DMD: variants seen among roughly 807,000 people sequenced by gnomAD.
DMD encodes the protein mutant dystrophin.
A neutral mutation model predicts 330.1 loss-of-function variants in DMD; 63 were observed. The observed-to-expected ratio is 0.19, with a 90% CI of 0.16 to 0.24. The LOEUF (loss-of-function observed/expected upper bound fraction) is 0.24. Ranked by LOEUF, DMD falls within the 10% of genes least tolerant of loss-of-function variation. The pLI is 1.00. For missense variants in DMD, 3,344 were observed against 2,684.1 expected (o/e 1.25, Z -5.43); for synonymous variants, 1,223 against 959.8 (o/e 1.27, Z -5.07).
At chrX:32,646,968 GAAC>G (rs1267668624) in intron 9 of DMD, among the ~76,000 whole-genome samples, 1 of 110,735 alleles carries the variant, frequency 9.0e-6, no homozygotes, top group African/African-American at 3.3e-5. Context: ...TTAGGGGTTA[GAAC>G]AACTTCCATG....
At chrX:31,997,589 T>C (rs977712382) in intron 44 of DMD, among the ~76,000 whole-genome samples, 1 of 110,924 alleles carries the variant, frequency 9.0e-6, no homozygotes, top group Non-Finnish European at 1.9e-5. Flanking sequence ...AAGTTATATA[T>C]TTCTAGAATA....
At chrX:31,451,297 T>C (rs58854105) in intron 59 of DMD, among the ~76,000 whole-genome samples, 43 of 66,975 alleles carry the variant, frequency 6.4e-4, no homozygotes, top group African/African-American at 2.0e-3. Context: ...TTTTTTTTTT[T>C]CCAAGGTGGA....
chrX:31,127,750 G>A (rs1005571086), intron 77 of DMD, among the ~76,000 whole-genome samples: 1 of 111,152 alleles, frequency 9.0e-6, no homozygotes, highest in Admixed American at 9.5e-5. Context: ...ATGGAGCTAC[G>A]ACACCAATAG....
chrX:31,575,295 C>T (rs1345331841), intron 55 of DMD, among the ~76,000 whole-genome samples: 1 of 111,317 alleles, frequency 9.0e-6, no homozygotes, highest in African/African-American at 3.3e-5. Flanking sequence ...AATATGTGGA[C>T]TATAAGCTTT....
intron 7 of DMD, among the ~76,000 whole-genome samples, chrX:32,774,319 G>A (rs1387674071): frequency 8.9e-6 from 1 of 112,063 alleles, no homozygotes; most frequent in Non-Finnish European, 1.9e-5. Flanking sequence ...CATTAAAGCT[G>A]TTTAAGTCCA....
At position 32,658,081 on chromosome X, in the gene DMD, T is replaced by A. The variant is rs191399594; in HGVS notation, c.961-12929A>T. Reference sequence around the variant, plus strand: ...TAGAATGACCGTAGTCCATAGAGTTTGTAATTGCATATACAAATTAATTGT... The same window carrying A: ...TAGAATGACCGTAGTCCATAGAGTTAGTAATTGCATATACAAATTAATTGT... On this transcript the variant is annotated intron_variant, in intron 9 of 78. Transcript: ENST00000357033. Among the ~76,000 whole-genome samples, 323 of 111,930 alleles carry A rather than the reference T, an allele frequency of 2.9e-3. 1 individual carries two copies. The highest frequency in any genetic ancestry group is 5.0e-3 in the Non-Finnish European group (264 of 53,149).
chrX:31,510,382 T>C (rs1240773070), intron 55 of DMD, among the ~76,000 whole-genome samples: 1 of 111,146 alleles, frequency 9.0e-6, no homozygotes, highest in African/African-American at 3.3e-5. Context: ...AAGATACTAC[T>C]TGCAAGAGGA....
At chrX:31,140,096 G>C (rs979480016) in intron 76 of DMD, among the ~76,000 whole-genome samples, 1 of 112,420 alleles carries the variant, frequency 8.9e-6, no homozygotes, top group Non-Finnish European at 1.9e-5. Context: ...GGAATGCTTT[G>C]CCATGGCAAG....
At chrX:33,249,742 G>A (rs2052738189) in intron 1 of DMD, among the ~76,000 whole-genome samples, 1 of 110,357 alleles carries the variant, frequency 9.1e-6, no homozygotes, top group Non-Finnish European at 1.9e-5. Context: ...ACACAGTTTT[G>A]AATAATTTCT....
At chrX:31,270,686 T>C (rs1244928426) in intron 62 of DMD, among the ~76,000 whole-genome samples, 1 of 111,399 alleles carries the variant, frequency 9.0e-6, no homozygotes, top group Non-Finnish European at 1.9e-5. Flanking sequence ...TCCTGAAAGG[T>C]ATGAGGGAGC....
rs189756351 is a variant in DMD at position 32,798,329 on chromosome X, T to G, written c.649+11164A>C. On this transcript the variant is annotated intron_variant, in intron 7 of 78. Transcript: ENST00000357033. ...TTCCAACTGCCCAGAAAATACTCAGTTTTTTTATGGTATCTGAACTGAGAA... is the reference window on the plus strand; with the variant it reads ...TTCCAACTGCCCAGAAAATACTCAGGTTTTTTATGGTATCTGAACTGAGAA... 4.3e-5 allele frequency among the ~76,000 whole-genome samples: 4 copies of G among 94,077 alleles called. No individual in the cohort carries two copies. The East Asian group carries it at 1.2e-3, about 28-fold the overall frequency. The allele number at this position is 94,077 out of a possible 115,157, so 81.7% of individuals were successfully genotyped here. A position where few individuals can be genotyped will look rare whatever the true frequency, so the allele number is the denominator to read the frequency against.
At chrX:32,561,341 A>G (rs2050979781) in intron 16 of DMD, among the ~76,000 whole-genome samples, 1 of 111,421 alleles carries the variant, frequency 9.0e-6, no homozygotes, top group African/African-American at 3.3e-5. Context: ...GAAACGCAAT[A>G]CGACAACTCC....
chrX:31,809,632 G>A (rs868736838), intron 50 of DMD, among the ~76,000 whole-genome samples: 1 of 110,837 alleles, frequency 9.0e-6, no homozygotes, highest in Admixed American at 9.7e-5. Flanking sequence ...ATGAGAGAAG[G>A]AATAAACCTT....
At chrX:32,981,846 A>C (rs188681463) in intron 2 of DMD, among the ~76,000 whole-genome samples, 1 of 111,422 alleles carries the variant, frequency 9.0e-6, no homozygotes, top group African/African-American at 3.3e-5. Flanking sequence ...CCTCTGCTGG[A>C]AATAAAAAAT....
At chrX:32,815,494 CATATATATATATAT>C (rs1557051738) in intron 6 of DMD, among the ~76,000 whole-genome samples, 2 of 71,867 alleles carry the variant, frequency 2.8e-5, no homozygotes, top group African/African-American at 1.1e-4. Flanking sequence ...CACACACAAG[CATATATATATATAT>C]ATATATATAT....
At chrX:32,819,848 TAAAAAAAAAA>T (rs35344665) in intron 5 of DMD, among the ~76,000 whole-genome samples, 13 of 80,981 alleles carry the variant, frequency 1.6e-4, no homozygotes, top group Non-Finnish European at 3.0e-4. Context: ...AATGTTGGTG[TAAAAAAAAAA>T]AAAAAAAAGA....
chrX:31,644,069 A>G (rs2079938818), intron 54 of DMD, among the ~76,000 whole-genome samples: 1 of 111,871 alleles, frequency 8.9e-6, no homozygotes, highest in African/African-American at 3.2e-5. Context: ...CAAAGTTAGA[A>G]TAATAAAGCT....
chrX:31,304,574 T>C (rs1258223435), intron 62 of DMD, among the ~76,000 whole-genome samples: 1 of 107,576 alleles, frequency 9.3e-6, no homozygotes. Context: ...TGCATATTTA[T>C]GACTTAGTTC....
intron 1 of DMD, among the ~76,000 whole-genome samples, chrX:33,276,902 C>A (rs2053243110): frequency 8.9e-6 from 1 of 112,139 alleles, no homozygotes; most frequent in Non-Finnish European, 1.9e-5. Flanking sequence ...TCTTGCAAAA[C>A]TGCGGTATAA....
Sources: gnomAD v4.1 joint callset for allele counts (sites outside exome capture counted in the v4.1 genomes callset) on GRCh38, gnomAD v4.1.1 for gene constraint, MANE v1.5 for transcripts, NCBI Gene and HGNC (gene_info 2026-07-23, HGNC 2026-07-21) for gene names.